Variants in TRAPPC9 observed in about 807,000 individuals in gnomAD.
TRAPPC9 encodes the protein trafficking protein particle complex subunit 9, also known as IKK2 binding protein.
In TRAPPC9, 83 loss-of-function variants were observed where a neutral mutation model predicts 124.0. That is an observed-to-expected ratio of 0.67 (90% CI 0.56 to 0.80). The LOEUF is 0.80. Ranked by LOEUF, TRAPPC9 falls within the 30% of genes least tolerant of loss-of-function variation. The probability of loss-of-function intolerance (pLI) is 0.00; values close to 1 mark genes in which losing one functional copy is unlikely to be tolerated. For synonymous variants in TRAPPC9, 638 were observed against 617.5 expected (o/e 1.03, Z -0.49); for missense variants, 1,302 against 1,508.3 (o/e 0.86, Z 2.27).
chr8:140,411,475 G>A (rs1333023125), intron 5 of TRAPPC9, among the ~76,000 whole-genome samples: 1 of 152,158 alleles, frequency 6.6e-6, no homozygotes, highest in African/African-American at 2.4e-5. Context: ...CCAAGTAGCT[G>A]GGACTACAGG....
chr8:140,023,704 T>C (rs1839950959), intron 18 of TRAPPC9, among the ~76,000 whole-genome samples: 1 of 152,194 alleles, frequency 6.6e-6, no homozygotes, highest in Non-Finnish European at 1.5e-5. Flanking sequence ...AGCGTTATGA[T>C]TACAGCACGG....
intron 19 of TRAPPC9, among the ~76,000 whole-genome samples, chr8:139,937,506 G>A (rs762848806): frequency 7.2e-5 from 11 of 152,158 alleles, no homozygotes; most frequent in Admixed American, 3.3e-4. Context: ...TGGGGGCAGC[G>A]GCTTCAGGAG....
At chr8:139,894,566 G>C (rs1830549758) in intron 20 of TRAPPC9, among the ~76,000 whole-genome samples, 1 of 152,148 alleles carries the variant, frequency 6.6e-6, no homozygotes, top group South Asian at 2.1e-4. Context: ...GAGGGAGGGG[G>C]GGGCTGCTGC....
At chr8:140,141,848 A>G (rs1276290246) in intron 17 of TRAPPC9, among the ~76,000 whole-genome samples, 2 of 152,308 alleles carry the variant, frequency 1.3e-5, no homozygotes, top group East Asian at 3.9e-4. Context: ...GGGAACCTTG[A>G]CCAATATTAA....
At chr8:140,380,983 T>G (rs931299837) in intron 7 of TRAPPC9, among the ~76,000 whole-genome samples, 3 of 151,820 alleles carry the variant, frequency 2.0e-5, no homozygotes, top group Admixed American at 2.0e-4. Context: ...GGCAGGTGGA[T>G]CACTTGAGGC....
Position 140,224,423 on chromosome 8 carries a change from G to A in TRAPPC9, c.2432-2840C>T, listed in dbSNP as rs183780853. Among the ~76,000 whole-genome samples, 19 of 152,326 alleles carry A rather than the reference G, an allele frequency of 1.2e-4. No homozygotes were observed. In the East Asian group the frequency reaches 2.1e-3, roughly 17 times the overall value. On this transcript the variant is annotated intron_variant, in intron 16 of 22. Transcript: ENST00000438773. ...TGCAGATTTCAGAAGAGTTCACCAAGAGAATCTGAGCAGAATCTGAGCAGA... is the reference window on the plus strand; with the variant it reads ...TGCAGATTTCAGAAGAGTTCACCAAAAGAATCTGAGCAGAATCTGAGCAGA...
intron 17 of TRAPPC9, among the ~76,000 whole-genome samples, chr8:140,207,473 C>G (rs1244472532): frequency 1.3e-5 from 2 of 152,244 alleles, no homozygotes; most frequent in Non-Finnish European, 2.9e-5. Context: ...AAATCTAACA[C>G]AATTTTCCTG....
chr8:139,774,606 C>T lies in TRAPPC9; in HGVS notation c.3056-42404G>A, dbSNP rs116550559. Reference sequence around the variant, plus strand: ...CTGGCTCACCTGCCTTAGCACAGTGCGATGTTTCCTCGGCCTCCCCAGGAC... The same window carrying T: ...CTGGCTCACCTGCCTTAGCACAGTGTGATGTTTCCTCGGCCTCCCCAGGAC... On this transcript the variant is annotated intron_variant, in intron 21 of 22. Transcript: ENST00000438773. 2.8e-3 allele frequency among the ~76,000 whole-genome samples: 428 copies of T among 152,274 alleles called. 2 individuals are homozygous for T. Among genetic ancestry groups the T allele is most frequent in the African/African-American group, 1.0e-2 (414 of 41,556 alleles).
At chr8:140,224,543 G>A (rs2063403946) in intron 16 of TRAPPC9, among the ~76,000 whole-genome samples, 1 of 152,118 alleles carries the variant, frequency 6.6e-6, no homozygotes, top group Non-Finnish European at 1.5e-5. Context: ...CTTCAGGTAG[G>A]GCCACAAAGC....
chr8:140,262,140 C>T (rs1456857415), intron 15 of TRAPPC9, among the ~76,000 whole-genome samples: 6 of 152,160 alleles, frequency 3.9e-5, no homozygotes, highest in Non-Finnish European at 7.4e-5. Flanking sequence ...TGCTCTACAA[C>T]CTACCCCTTA....
chr8:139,845,130 GGA>G (rs1481982845), intron 21 of TRAPPC9, among the ~76,000 whole-genome samples: 2 of 152,212 alleles, frequency 1.3e-5, no homozygotes, highest in Non-Finnish European at 2.9e-5. Flanking sequence ...TCGCCTTTAA[GGA>G]GATACTAGGT....
intron 20 of TRAPPC9, among the ~76,000 whole-genome samples, chr8:139,892,117 G>A (rs543302566): frequency 4.6e-4 from 70 of 152,330 alleles, no homozygotes; most frequent in Non-Finnish European, 6.8e-4. Flanking sequence ...CACATGCGCC[G>A]CAGCACCCCG....
intron 9 of TRAPPC9, among the ~76,000 whole-genome samples, chr8:140,329,300 T>G (rs2066830819): frequency 6.6e-6 from 1 of 152,168 alleles, no homozygotes; most frequent in African/African-American, 2.4e-5. Flanking sequence ...GAAACATCTG[T>G]TGGGATCACC....
intron 21 of TRAPPC9, among the ~76,000 whole-genome samples, chr8:139,882,465 C>T (rs1056095070): frequency 1.3e-5 from 2 of 152,178 alleles, no homozygotes; most frequent in African/African-American, 2.4e-5. Flanking sequence ...GTGAATACCA[C>T]GGCTCTTTTC....
intron 20 of TRAPPC9, among the ~76,000 whole-genome samples, chr8:139,886,388 G>A (rs1363613057): frequency 6.6e-6 from 1 of 152,170 alleles, no homozygotes; most frequent in Non-Finnish European, 1.5e-5. Context: ...CGTCGGTCCT[G>A]TTATCCTTCT....
At chr8:139,991,397 C>T (rs1029328386) in intron 18 of TRAPPC9, among the ~76,000 whole-genome samples, 8 of 152,096 alleles carry the variant, frequency 5.3e-5, no homozygotes, top group African/African-American at 1.9e-4. Context: ...TAATTGTTGA[C>T]ATGATGATGT....
rs73362202 is a variant in TRAPPC9 at position 139,801,362 on chromosome 8, G to A, written c.3056-69160C>T. ...CAGCCCGGACACCTCCTGAGCCAGGGTGCTCACCAGGAGCAAAGCCGCAGG... is the reference window on the plus strand; with the variant it reads ...CAGCCCGGACACCTCCTGAGCCAGGATGCTCACCAGGAGCAAAGCCGCAGG... On this transcript the variant is annotated intron_variant, in intron 21 of 22. Transcript: ENST00000438773. Among the ~76,000 whole-genome samples the A allele has an allele frequency of 6.2e-3, 948 of 152,356 alleles. 8 individuals carry two copies. Among genetic ancestry groups the A allele is most frequent in the African/African-American group, 0.022 (898 of 41,592 alleles).
chr8:139,919,458 T>G (rs1299777456), intron 19 of TRAPPC9, among the ~76,000 whole-genome samples: 1 of 152,196 alleles, frequency 6.6e-6, no homozygotes, highest in Non-Finnish European at 1.5e-5. Context: ...CAAAAATCAC[T>G]GAGCCGTACA....
chr8:139,995,567 G>A (rs1325613926), intron 18 of TRAPPC9, among the ~76,000 whole-genome samples: 2 of 152,046 alleles, frequency 1.3e-5, no homozygotes, highest in African/African-American at 4.8e-5. Context: ...CACACAGAGG[G>A]GGAAGCTCAT....
Sources: allele counts gnomAD v4.1 joint callset (sites outside exome capture counted in the v4.1 genomes callset), GRCh38; gene constraint gnomAD v4.1.1; transcripts MANE v1.5; gene names NCBI Gene and HGNC (gene_info 2026-07-23, HGNC 2026-07-21).